Variants in KDM4C observed in about 807,000 individuals in gnomAD.
The protein encoded by KDM4C is lysine-specific demethylase 4C.
A neutral mutation model predicts 129.3 loss-of-function variants in KDM4C; 81 were observed. The ratio of observed to expected loss-of-function variants is 0.63; its 90% CI spans 0.52 to 0.75. The LOEUF is 0.75. Among genes scored for constraint, KDM4C ranks in the 30% least tolerant of loss-of-function variants. The probability of loss-of-function intolerance (pLI) is 0.00; values close to 1 mark genes in which losing one functional copy is unlikely to be tolerated. For missense variants in KDM4C, 1,457 were observed against 1,304.0 expected (o/e 1.12, Z -1.81); for synonymous variants, 573 against 456.1 (o/e 1.26, Z -3.26).
intron 19 of KDM4C, among the ~76,000 whole-genome samples, chr9:7,149,675 C>T (rs1842552352): frequency 6.6e-6 from 1 of 152,190 alleles, no homozygotes; most frequent in South Asian, 2.1e-4. Context: ...TAGTGTGGTG[C>T]CCAGCACATA....
At chr9:6,922,121 A>G (rs1821633665) in intron 8 of KDM4C, among the ~76,000 whole-genome samples, 1 of 152,218 alleles carries the variant, frequency 6.6e-6, no homozygotes, top group African/African-American at 2.4e-5. Context: ...TGCTGCATGA[A>G]TGAATGAATG....
At chr9:7,143,183 T>G (rs933341008) in intron 19 of KDM4C, among the ~76,000 whole-genome samples, 1 of 152,230 alleles carries the variant, frequency 6.6e-6, no homozygotes, top group Non-Finnish European at 1.5e-5. Flanking sequence ...CCCAACACTT[T>G]GGCATGTTTT....
At chr9:7,056,758 T>TA (rs1830927582) in intron 17 of KDM4C, among the ~76,000 whole-genome samples, 1 of 152,194 alleles carries the variant, frequency 6.6e-6, no homozygotes, top group African/African-American at 2.4e-5. Flanking sequence ...TGTGAAAAAG[T>TA]AATCTTATTT....
Position 6,792,881 on chromosome 9 carries a change from T to A in KDM4C, c.-17-91T>A, listed in dbSNP as rs1826959801. On this transcript the variant is annotated intron_variant, in intron 1 of 21. Coordinates refer to ENST00000381309, the MANE Select transcript of KDM4C (RefSeq NM_015061.6). ...ATGGGAAGTGACTGAAAGAGAAGGG[T>A]TCCTGCTGGGGGAGCTGACATACTA... 7.9e-6 allele frequency: 10 copies of A among 1,273,238 alleles called. No individual in the cohort carries two copies. In the South Asian group the frequency reaches 1.3e-4, roughly 17 times the overall value. 78.9% of individuals were successfully genotyped at this position (1,273,238 alleles called of 1,614,324 possible).
At chr9:6,951,756 A>G (rs945457007) in intron 8 of KDM4C, among the ~76,000 whole-genome samples, 1 of 152,230 alleles carries the variant, frequency 6.6e-6, no homozygotes, top group African/African-American at 2.4e-5. Context: ...TAGCATAGAG[A>G]TGCCCAAATT....
intron 8 of KDM4C, among the ~76,000 whole-genome samples, chr9:6,956,948 T>C (rs1011933969): frequency 1.3e-5 from 2 of 152,204 alleles, no homozygotes; most frequent in African/African-American, 4.8e-5. Context: ...GTTCTGTTTC[T>C]GAAATAGTGT....
chr9:6,995,639 A>G (rs1819546950), intron 12 of KDM4C, among the ~76,000 whole-genome samples: 1 of 152,092 alleles, frequency 6.6e-6, no homozygotes. Flanking sequence ...TTATCTTTTG[A>G]TGGTTTCAGA....
At chr9:6,901,248 G>A (rs1563783608) in intron 8 of KDM4C, among the ~76,000 whole-genome samples, 1 of 152,214 alleles carries the variant, frequency 6.6e-6, no homozygotes, top group Admixed American at 6.5e-5. Context: ...ACCCCCCAGA[G>A]TTTGCCATAG....
intron 12 of KDM4C, among the ~76,000 whole-genome samples, chr9:7,005,842 C>A (rs1821567172): frequency 6.6e-6 from 1 of 152,110 alleles, no homozygotes; most frequent in African/African-American, 2.4e-5. Flanking sequence ...ATCACCCAAC[C>A]AAGACTGTAT....
At chr9:7,160,478 G>A (rs141115204) in intron 19 of KDM4C, among the ~76,000 whole-genome samples, 65 of 152,254 alleles carry the variant, frequency 4.3e-4, no homozygotes, top group African/African-American at 1.5e-3. Context: ...ATCTACCTTT[G>A]GTCTTTGATG....
At chr9:7,117,555 T>G (rs1017583891) in intron 18 of KDM4C, among the ~76,000 whole-genome samples, 1 of 152,080 alleles carries the variant, frequency 6.6e-6, no homozygotes, top group South Asian at 2.1e-4. Context: ...TTATTTTATT[T>G]TCAACATTGC....
intron 8 of KDM4C, among the ~76,000 whole-genome samples, chr9:6,939,815 G>A (rs1825515035): frequency 6.6e-6 from 1 of 152,160 alleles, no homozygotes; most frequent in South Asian, 2.1e-4. Context: ...TCCCTCTCTT[G>A]GCATTTATAT....
chr9:7,084,897 C>T (rs576234000), intron 17 of KDM4C, among the ~76,000 whole-genome samples: 4 of 152,128 alleles, frequency 2.6e-5, no homozygotes, highest in African/African-American at 4.8e-5. Context: ...AAGAGAGATA[C>T]GTTAAACAAA....
chr9:6,940,018 CTT>C (rs1825617174), intron 8 of KDM4C, among the ~76,000 whole-genome samples: 3 of 131,382 alleles, frequency 2.3e-5, no homozygotes, highest in African/African-American at 8.7e-5. Context: ...TCCTTCCTTC[CTT>C]CCTTCCTTCC....
At chr9:6,908,046 C>G (rs1225156572) in intron 8 of KDM4C, among the ~76,000 whole-genome samples, 1 of 152,086 alleles carries the variant, frequency 6.6e-6, no homozygotes, top group East Asian at 1.9e-4. Flanking sequence ...TAACCTTGAC[C>G]TAGAGTCTTA....
At chr9:6,800,828 A>G (rs1016419685) in intron 2 of KDM4C, among the ~76,000 whole-genome samples, 1 of 152,072 alleles carries the variant, frequency 6.6e-6, no homozygotes, top group Non-Finnish European at 1.5e-5. Context: ...AGCTTTCGCC[A>G]TGTTGCCTAG....
intron 4 of KDM4C, among the ~76,000 whole-genome samples, chr9:6,831,584 C>G (rs1017727905): frequency 1.3e-5 from 2 of 152,228 alleles, no homozygotes; most frequent in Admixed American, 1.3e-4. Flanking sequence ...CTCAGGTAAT[C>G]CAGCCAACTC....
At chr9:7,156,319 T>C (rs951305285) in intron 19 of KDM4C, among the ~76,000 whole-genome samples, 1 of 152,252 alleles carries the variant, frequency 6.6e-6, no homozygotes, top group Non-Finnish European at 1.5e-5. Flanking sequence ...TTCACTCTAA[T>C]GGTAGTTTCT....
chr9:7,023,240 G>A (rs1825199452), intron 15 of KDM4C, among the ~76,000 whole-genome samples: 1 of 152,138 alleles, frequency 6.6e-6, no homozygotes, highest in Admixed American at 6.5e-5. Flanking sequence ...ATGTTTGGTA[G>A]AATTCAGCAC....
Sources: gnomAD v4.1 joint callset for allele counts (sites outside exome capture counted in the v4.1 genomes callset) on GRCh38, gnomAD v4.1.1 for gene constraint, MANE v1.5 for transcripts, NCBI Gene and HGNC (gene_info 2026-07-23, HGNC 2026-07-21) for gene names.